The following VGLL4 variants were observed in gnomAD, a reference collection of about 807,000 sequenced individuals.
VGLL4 encodes transcription cofactor vestigial-like protein 4.
In VGLL4, 7 loss-of-function variants were observed where a neutral mutation model predicts 21.0. That is an observed-to-expected ratio of 0.33 (90% CI 0.19 to 0.63). The LOEUF (loss-of-function observed/expected upper bound fraction) is 0.63. VGLL4 is among the 20% of genes least tolerant of loss of function. The pLI, the probability that VGLL4 is intolerant of heterozygous loss-of-function variation, is 0.78. For missense variants in VGLL4, 394 were observed against 425.7 expected (o/e 0.93, Z 0.66); for synonymous variants, 222 against 173.2 (o/e 1.28, Z -2.21).
intron 2 of VGLL4, among the ~76,000 whole-genome samples, chr3:11,652,652 C>T (rs1022878027): frequency 1.3e-5 from 2 of 152,142 alleles, no homozygotes; most frequent in South Asian, 4.1e-4. Context: ...AACTCCTGAC[C>T]TCAAGTGATC....
At chr3:11,581,285 T>G (rs1389226708) in intron 2 of VGLL4, among the ~76,000 whole-genome samples, 1 of 152,160 alleles carries the variant, frequency 6.6e-6, no homozygotes, top group Non-Finnish European at 1.5e-5. Flanking sequence ...CAGGCTGGCC[T>G]CAAACTCCTG....
chr3:11,707,724 G>A (rs1177264378), intron 1 of VGLL4, among the ~76,000 whole-genome samples: 3 of 151,290 alleles, frequency 2.0e-5, no homozygotes, highest in Non-Finnish European at 3.0e-5. Context: ...CCGGGCATAG[G>A]GACGTATACC....
Position 11,691,975 on chromosome 3 carries a change from C to A in VGLL4, c.64+10996G>T, listed in dbSNP as rs1296315384. 7.3e-5 allele frequency among the ~76,000 whole-genome samples: 8 copies of A among 110,138 alleles called. No homozygotes were observed. The East Asian group carries it at 9.8e-4, about 13-fold the overall frequency. The allele number at this position is 110,138 out of a possible 152,430, so 72.3% of individuals were successfully genotyped here. On this transcript the variant is annotated intron_variant, in intron 2 of 5. Transcript: ENST00000273038. ...AAGAGATGATGGGTAGGGAGAAGTG[C>A]ACCAAATGAAAAAAAAAAAAAAAAA...
At chr3:11,624,083 T>C (rs911373717) in intron 1 of VGLL4, among the ~76,000 whole-genome samples, 1 of 152,296 alleles carries the variant, frequency 6.6e-6, no homozygotes, top group African/African-American at 2.4e-5. Context: ...TCCTATTTCA[T>C]GTCTAGTACA....
At chr3:11,632,394 A>C (rs73127166) in intron 1 of VGLL4, among the ~76,000 whole-genome samples, 2,890 of 152,250 alleles carry the variant, frequency 0.019, 86 homozygotes, top group African/African-American at 0.065. Context: ...CCCAAGACGA[A>C]CCATTTCATC....
intron 2 of VGLL4, among the ~76,000 whole-genome samples, chr3:11,649,505 A>G (rs1368523409): frequency 6.6e-6 from 1 of 152,224 alleles, no homozygotes; most frequent in Non-Finnish European, 1.5e-5. Flanking sequence ...TTGATTTTTA[A>G]AAAGCAGCAA....
chr3:11,717,690 A>G (rs933123025), intron 1 of VGLL4, among the ~76,000 whole-genome samples: 4 of 152,110 alleles, frequency 2.6e-5, no homozygotes, highest in African/African-American at 9.7e-5. Flanking sequence ...GTCTGTAAGA[A>G]GTGTTAAAAT....
intron 2 of VGLL4, among the ~76,000 whole-genome samples, chr3:11,571,555 C>T (rs1416676878): frequency 6.6e-6 from 1 of 151,756 alleles, no homozygotes; most frequent in East Asian, 2.0e-4. Flanking sequence ...ATGGTAGCGC[C>T]TGTAATCCCA....
At chr3:11,607,391 C>T (rs9836472) in intron 1 of VGLL4, 142,486 of 152,142 alleles carry the variant, frequency 0.94, 66,854 homozygotes, top group African/African-American at 0.95. Flanking sequence ...GGCTCACAGG[C>T]AGAAAGCAGG....
At chr3:11,602,386 G>A (rs1490844054) in intron 1 of VGLL4, among the ~76,000 whole-genome samples, 2 of 151,948 alleles carry the variant, frequency 1.3e-5, no homozygotes, top group African/African-American at 4.8e-5. Flanking sequence ...ATACAGATAG[G>A]AGAATGACCT....
chr3:11,679,295 T>A (rs1023159967), intron 2 of VGLL4, among the ~76,000 whole-genome samples: 1 of 152,036 alleles, frequency 6.6e-6, no homozygotes, highest in African/African-American at 2.4e-5. Context: ...ATATTGAGAA[T>A]CCTGACCCTT....
chr3:11,715,860 A>G (rs1034886472), intron 1 of VGLL4, among the ~76,000 whole-genome samples: 4 of 152,168 alleles, frequency 2.6e-5, no homozygotes, highest in Non-Finnish European at 5.9e-5. Flanking sequence ...CTCAAGGCCA[A>G]CAGCACCGTA....
At chr3:11,592,639 T>C (rs539001429) in intron 2 of VGLL4, among the ~76,000 whole-genome samples, 6 of 152,346 alleles carry the variant, frequency 3.9e-5, no homozygotes, top group African/African-American at 1.4e-4. Context: ...GAATGATTCA[T>C]CGCAGTTGGA....
chr3:11,697,212 T>A (rs756882126), intron 2 of VGLL4, among the ~76,000 whole-genome samples: 1 of 151,708 alleles, frequency 6.6e-6, no homozygotes. Flanking sequence ...GCCATCCTCC[T>A]GCCTCAGCCT....
At chr3:11,615,800 T>A (rs2075150545) in intron 1 of VGLL4, among the ~76,000 whole-genome samples, 1 of 152,190 alleles carries the variant, frequency 6.6e-6, no homozygotes, top group South Asian at 2.1e-4. Context: ...CACATTTTCA[T>A]ACAAAACACA....
intron 2 of VGLL4, among the ~76,000 whole-genome samples, chr3:11,586,749 T>A (rs776173428): frequency 6.6e-6 from 1 of 152,204 alleles, no homozygotes; most frequent in Non-Finnish European, 1.5e-5. Context: ...CTCCCAAGGA[T>A]ATCCAGGGAC....
At chr3:11,640,432 G>T (rs1257605716) in intron 1 of VGLL4, among the ~76,000 whole-genome samples, 1 of 152,186 alleles carries the variant, frequency 6.6e-6, no homozygotes, top group Non-Finnish European at 1.5e-5. Flanking sequence ...TCAGTGGGGT[G>T]ATGGACGCAG....
rs527819193 is a variant in VGLL4, at chr3:11,586,457, T to A, written c.272+15376A>T. ...AATATGGTATACACTGCCCTCCATA[T>A]CCTCAAGTTCTGCATCCACAGATTC... On this transcript the variant is annotated intron_variant, in intron 2 of 4. Transcript: ENST00000430365. Among the ~76,000 whole-genome samples, 3 of 152,328 alleles carry A rather than the reference T, an allele frequency of 2.0e-5. No homozygotes were observed. The East Asian group carries it at 5.8e-4, about 29-fold the overall frequency.
intron 1 of VGLL4, among the ~76,000 whole-genome samples, chr3:11,602,933 A>G (rs1178011339): frequency 1.3e-5 from 2 of 152,142 alleles, no homozygotes; most frequent in African/African-American, 4.8e-5. Context: ...GAGCACCTAA[A>G]TTTTTCACAA....
Sources: allele counts gnomAD v4.1 joint callset (sites outside exome capture counted in the v4.1 genomes callset), GRCh38; gene constraint gnomAD v4.1.1; transcripts MANE v1.5; gene names NCBI Gene and HGNC (gene_info 2026-07-23, HGNC 2026-07-21).